The following PTPRD variants were observed in gnomAD, a reference collection of about 807,000 sequenced individuals.
The protein encoded by PTPRD is receptor-type tyrosine-protein phosphatase delta.
In PTPRD, 34 loss-of-function variants were observed where a neutral mutation model predicts 214.5. That is an observed-to-expected ratio of 0.16 (90% CI 0.12 to 0.21). The LOEUF (loss-of-function observed/expected upper bound fraction) is 0.21, where lower values mean the gene tolerates loss of function less well. PTPRD is among the 10% of genes least tolerant of loss of function. PTPRD has a pLI of 1.00. For missense variants in PTPRD, 2,545 were observed against 2,398.7 expected (o/e 1.06, Z -1.27); for synonymous variants, 1,128 against 845.7 (o/e 1.33, Z -5.79).
intron 3 of PTPRD, among the ~76,000 whole-genome samples, chr9:10,216,070 T>C (rs1183065707): frequency 6.6e-6 from 1 of 152,056 alleles, no homozygotes; most frequent in Non-Finnish European, 1.5e-5. Flanking sequence ...ATTAGCATTA[T>C]TGATTTTCCC....
chr9:9,420,151 T>G (rs901780238), intron 8 of PTPRD, among the ~76,000 whole-genome samples: 3 of 151,682 alleles, frequency 2.0e-5, no homozygotes, highest in Non-Finnish European at 3.0e-5. Flanking sequence ...TTACCCAAAA[T>G]TATCAACAGA....
At chr9:9,236,544 T>C (rs1218259112) in intron 9 of PTPRD, among the ~76,000 whole-genome samples, 2 of 151,450 alleles carry the variant, frequency 1.3e-5, no homozygotes, top group Non-Finnish European at 2.9e-5. Context: ...GGTCCCCAGA[T>C]TTAAAATTCC....
intron 35 of PTPRD, among the ~76,000 whole-genome samples, 197 bp from the exon 36 acceptor site, chr9:8,404,857 T>C (rs1354808469): frequency 1.3e-5 from 2 of 152,166 alleles, no homozygotes; most frequent in African/African-American, 2.4e-5. Context: ...GAAACAGTGA[T>C]AGTCACCAAC....
rs570891967 is a variant in PTPRD at position 8,722,450 on chromosome 9, T to A, written c.64+11330A>T. Among the ~76,000 whole-genome samples, 8 of 152,272 alleles carry A rather than the reference T, an allele frequency of 5.3e-5. No homozygotes were observed. The South Asian group carries it at 1.0e-3, about 20-fold the overall frequency. Reference sequence around the variant, plus strand: ...TTTATGTATTACCTTACATTCCCATTGGTCTTAAAATAAATCCAAATATGT... The same window carrying A: ...TTTATGTATTACCTTACATTCCCATAGGTCTTAAAATAAATCCAAATATGT... On this transcript the variant is annotated intron_variant, in intron 12 of 45. Coordinates refer to ENST00000381196, the MANE Select transcript of PTPRD (RefSeq NM_002839.4).
At chr9:8,463,505 C>A (rs2096472782) in intron 32 of PTPRD, among the ~76,000 whole-genome samples, 1 of 151,746 alleles carries the variant, frequency 6.6e-6, no homozygotes, top group Non-Finnish European at 1.5e-5. Context: ...ATTTGAAATT[C>A]TTTACCAAGA....
chr9:8,651,391 A>G (rs1333536588), intron 12 of PTPRD, among the ~76,000 whole-genome samples: 1 of 152,138 alleles, frequency 6.6e-6, no homozygotes, highest in Admixed American at 6.5e-5. Context: ...AAGGCCATGA[A>G]CTAACTCTGT....
chr9:9,900,010 G>C (rs1209498996), intron 5 of PTPRD, among the ~76,000 whole-genome samples: 1 of 152,060 alleles, frequency 6.6e-6, no homozygotes, highest in Non-Finnish European at 1.5e-5. Context: ...ATAGTTACCA[G>C]AGGCTGGGGG....
chr9:9,660,511 G>C (rs1380130559), intron 7 of PTPRD, among the ~76,000 whole-genome samples: 2 of 151,878 alleles, frequency 1.3e-5, no homozygotes, highest in East Asian at 1.9e-4. Flanking sequence ...GGTTATACTT[G>C]GGATATAGGA....
At chr9:9,849,592 T>C (rs1008279210) in intron 5 of PTPRD, among the ~76,000 whole-genome samples, 1 of 152,060 alleles carries the variant, frequency 6.6e-6, no homozygotes, top group Non-Finnish European at 1.5e-5. Context: ...TAATGAACTG[T>C]TGTGAATCAT....
intron 3 of PTPRD, among the ~76,000 whole-genome samples, chr9:10,184,528 C>T (rs956661235): frequency 1.1e-4 from 17 of 152,070 alleles, no homozygotes; most frequent in African/African-American, 4.1e-4. Context: ...AATCCCCAGC[C>T]CTAGCACAAT....
intron 2 of PTPRD, among the ~76,000 whole-genome samples, chr9:10,529,910 G>T (rs1422681400): frequency 6.6e-6 from 1 of 151,834 alleles, no homozygotes; most frequent in African/African-American, 2.4e-5. Flanking sequence ...GTCTTGGGGT[G>T]GGGGGCAAGA....
At position 8,936,339 on chromosome 9, in the gene PTPRD, G is replaced by C. The variant is rs576670967; in HGVS notation, c.-104+82358C>G. Among the ~76,000 whole-genome samples the C allele has an allele frequency of 3.4e-5, 5 of 145,730 alleles. No individual in the cohort carries two copies. In the South Asian group the frequency reaches 1.1e-3, roughly 32 times the overall value. ...GGGGGTGGTGCGAGGTGGGAGGATT[G>C]CTTGAGCCTGGGAGGCAGAGGTTGC... On this transcript the variant is annotated intron_variant, in intron 11 of 45. Coordinates refer to ENST00000381196, the MANE Select transcript of PTPRD (RefSeq NM_002839.4).
chr9:10,024,319 T>G (rs986235697), intron 4 of PTPRD, among the ~76,000 whole-genome samples: 2 of 152,186 alleles, frequency 1.3e-5, no homozygotes, highest in African/African-American at 4.8e-5. Flanking sequence ...AAGGCAATTT[T>G]CTCCTGAAAG....
At chr9:9,726,507 CTA>C (rs2098094794) in intron 7 of PTPRD, among the ~76,000 whole-genome samples, 3 of 152,138 alleles carry the variant, frequency 2.0e-5, no homozygotes, top group African/African-American at 4.8e-5. Context: ...TAGGAAGATG[CTA>C]TGTTATTCTT....
chr9:9,903,846 C>G (rs2076949809), intron 5 of PTPRD, among the ~76,000 whole-genome samples: 1 of 152,078 alleles, frequency 6.6e-6, no homozygotes. Context: ...CAATGTGTTT[C>G]AGAACAACTG....
chr9:8,632,456 T>G (rs181310532), intron 14 of PTPRD, among the ~76,000 whole-genome samples: 1 of 152,028 alleles, frequency 6.6e-6, no homozygotes, highest in Non-Finnish European at 1.5e-5. Context: ...CTCCTAAATT[T>G]TGGAACAGAG....
intron 5 of PTPRD, among the ~76,000 whole-genome samples, chr9:9,844,046 C>T (rs1351136171): frequency 6.6e-6 from 1 of 151,936 alleles, no homozygotes; most frequent in Non-Finnish European, 1.5e-5. Context: ...GGCTTCATTT[C>T]AACCATGTTC....
chr9:8,633,330 G>T lies in PTPRD; in HGVS notation c.339C>A (p.Leu113=). The T allele has an allele frequency of 1.2e-6, 2 of 1,611,418 alleles. No homozygotes were observed. The highest frequency in any genetic ancestry group is 1.7e-6 in the Non-Finnish European group (2 of 1,178,610). ...NVGEISVSTR[L]TVLREDQIPR... is the part of the protein sequence containing the mutation. ...TTGAGCACTTACCCCGCAAAACTGT[G>T]AGTCTGGTGGATACACTTATTTCTC... The change falls in exon 14 of 46, where the codon CTC becomes CTA. Residue 113 remains leucine (L), a synonymous_variant. Coordinates refer to ENST00000381196, the MANE Select transcript of PTPRD (RefSeq NM_002839.4).
At chr9:9,698,980 C>T (rs1317814472) in intron 7 of PTPRD, among the ~76,000 whole-genome samples, 2 of 152,114 alleles carry the variant, frequency 1.3e-5, no homozygotes, top group Non-Finnish European at 2.9e-5. Flanking sequence ...TTGTGTCTAA[C>T]TTTTTAATAA....
Sources: gnomAD v4.1 joint callset for allele counts (sites outside exome capture counted in the v4.1 genomes callset) on GRCh38, gnomAD v4.1.1 for gene constraint, MANE v1.5 for transcripts, NCBI Gene and HGNC (gene_info 2026-07-23, HGNC 2026-07-21) for gene names.